Variants in NCALD observed in about 807,000 individuals in gnomAD.
NCALD encodes neurocalcin delta, also known as neurocalcin-delta.
A neutral mutation model predicts 18.6 loss-of-function variants in NCALD; 10 were observed. The observed-to-expected ratio is 0.54, with a 90% CI of 0.33 to 0.91. The LOEUF (loss-of-function observed/expected upper bound fraction) is 0.91. NCALD is among the 40% of genes least tolerant of loss of function. The pLI is 0.03. For missense variants in NCALD, 184 were observed against 247.6 expected (o/e 0.74, Z 1.72); for synonymous variants, 88 against 87.4 (o/e 1.01, Z -0.04).
intron 1 of NCALD, among the ~76,000 whole-genome samples, chr8:101,760,705 T>C (rs1811076679): frequency 6.6e-6 from 1 of 152,240 alleles, no homozygotes; most frequent in Non-Finnish European, 1.5e-5. Context: ...GCCTATGTTA[T>C]TGAATCTATC....
chr8:102,061,452 G>A (rs527415519), intron 1 of NCALD, among the ~76,000 whole-genome samples: 6 of 151,796 alleles, frequency 4.0e-5, no homozygotes, highest in Admixed American at 1.3e-4. Context: ...TTTTCAAACC[G>A]CCTGCTGTTT....
At chr8:101,801,108 G>T (rs1023656602) in intron 4 of NCALD, among the ~76,000 whole-genome samples, 1 of 151,304 alleles carries the variant, frequency 6.6e-6, no homozygotes, top group Non-Finnish European at 1.5e-5. Flanking sequence ...AAAAGAAAGA[G>T]AAAGAAACAA....
intron 2 of NCALD, among the ~76,000 whole-genome samples, chr8:101,996,752 G>A (rs961251726): frequency 3.9e-5 from 6 of 152,208 alleles, no homozygotes; most frequent in Non-Finnish European, 8.8e-5. Flanking sequence ...GTCCTCCAGG[G>A]ACTATGGCAG....
intron 4 of NCALD, among the ~76,000 whole-genome samples, chr8:101,808,203 T>C (rs1055442926): frequency 6.6e-6 from 1 of 152,162 alleles, no homozygotes; most frequent in Non-Finnish European, 1.5e-5. Flanking sequence ...AGAAATCCCC[T>C]CTAGACTGTC....
Position 101,959,933 on chromosome 8 carries a change from T to A in NCALD, c.-156-44075A>T, listed in dbSNP as rs564275371. 2.1e-5 allele frequency among the ~76,000 whole-genome samples: 3 copies of A among 140,476 alleles called. No individual in the cohort carries two copies. In the South Asian group the frequency reaches 7.5e-4, roughly 35 times the overall value. The allele number at this position is 140,476 out of a possible 152,430, so 92.2% of individuals were successfully genotyped here. On this transcript the variant is annotated intron_variant, in intron 2 of 6. Transcript: ENST00000311028. ...TTAGGATTGTACAGACACCTCTTCA[T>A]CCCACTTGGGCTCCAACGTCCTTCC...
At chr8:101,742,847 A>G (rs1810269168) in intron 1 of NCALD, among the ~76,000 whole-genome samples, 1 of 151,956 alleles carries the variant, frequency 6.6e-6, no homozygotes, top group African/African-American at 2.4e-5. Context: ...ACAGGCCCCA[A>G]TATGTGTTGT....
chr8:101,823,683 TA>T (rs199967350), intron 4 of NCALD, among the ~76,000 whole-genome samples: 2,359 of 152,302 alleles, frequency 0.015, 90 homozygotes, highest in East Asian at 0.12. Context: ...ATTAGAAAAC[TA>T]TCAAGACTAT....
At chr8:101,700,640 TA>T (rs1815219061) in intron 2 of NCALD, among the ~76,000 whole-genome samples, 1 of 152,098 alleles carries the variant, frequency 6.6e-6, no homozygotes, top group African/African-American at 2.4e-5. Flanking sequence ...AACTGTGTAA[TA>T]ATCTAGGGGT....
At chr8:101,747,335 C>G (rs990592779) in intron 1 of NCALD, among the ~76,000 whole-genome samples, 2 of 152,146 alleles carry the variant, frequency 1.3e-5, no homozygotes, top group East Asian at 1.9e-4. Flanking sequence ...GGGAAAGAGT[C>G]TCCTTGCTAA....
At chr8:101,716,993 ACCC>A (rs753487899) in intron 2 of NCALD, among the ~76,000 whole-genome samples, 32 of 152,094 alleles carry the variant, frequency 2.1e-4, no homozygotes, top group Admixed American at 3.9e-4. Context: ...GAAGGAACAC[ACCC>A]CTGAGGAAAC....
chr8:101,690,118 C>T (rs1388370059), intron 3 of NCALD, among the ~76,000 whole-genome samples: 1 of 149,432 alleles, frequency 6.7e-6, no homozygotes, highest in Non-Finnish European at 1.5e-5. Flanking sequence ...CCCACTCCGA[C>T]CCCGGTGACC....
chr8:102,007,174 T>C (rs990893419), intron 2 of NCALD, among the ~76,000 whole-genome samples: 2 of 152,234 alleles, frequency 1.3e-5, no homozygotes, highest in African/African-American at 4.8e-5. Context: ...GAAAAATTGG[T>C]GAAATCTGAA....
At chr8:102,099,765 G>A (rs570263891) in intron 1 of NCALD, among the ~76,000 whole-genome samples, 21 of 152,066 alleles carry the variant, frequency 1.4e-4, no homozygotes, top group Admixed American at 6.5e-4. Flanking sequence ...CCAACATGGT[G>A]AAACCCCATC....
intron 1 of NCALD, among the ~76,000 whole-genome samples, chr8:101,728,855 C>T (rs112356206): frequency 0.012 from 1,856 of 150,450 alleles, 44 homozygotes; most frequent in African/African-American, 0.043. Flanking sequence ...ACAAAAAGCA[C>T]GCAAAAAAAG....
intron 1 of NCALD, among the ~76,000 whole-genome samples, chr8:102,025,321 A>G (rs1295717909): frequency 6.6e-6 from 1 of 152,208 alleles, no homozygotes; most frequent in African/African-American, 2.4e-5. Flanking sequence ...CATGCTCTGC[A>G]GTTCACTATT....
chr8:101,797,403 C>A (rs191154806), intron 4 of NCALD, among the ~76,000 whole-genome samples: 2,278 of 152,128 alleles, frequency 0.015, 98 homozygotes, highest in East Asian at 0.12. Context: ...TTTAAAGGAG[C>A]AACAAAAGAC....
At position 101,730,606 on chromosome 8, in the gene NCALD, A is replaced by G. The variant is rs146226833; in HGVS notation, c.-19-10958T>C. 4.8e-3 allele frequency among the ~76,000 whole-genome samples: 738 copies of G among 152,296 alleles called. 5 individuals carry two copies. The highest frequency in any genetic ancestry group is 0.017 in the African/African-American group (698 of 41,560). On this transcript the variant is annotated intron_variant, in intron 1 of 3. Transcript: ENST00000220931. ...TATCGATGGATTCAACAAATAATCA[A>G]TTGAGCACTGCCCTTGTGCTAAGCA...
intron 2 of NCALD, among the ~76,000 whole-genome samples, chr8:101,966,651 A>G (rs1007073973): frequency 1.4e-4 from 22 of 152,164 alleles, no homozygotes; most frequent in South Asian, 4.1e-4. Context: ...AATTAAAAAA[A>G]AAGAATGTGG....
intron 4 of NCALD, among the ~76,000 whole-genome samples, chr8:101,864,759 T>C (rs1815697563): frequency 6.6e-6 from 1 of 152,034 alleles, no homozygotes; most frequent in African/African-American, 2.4e-5. Flanking sequence ...TACGCCCAGC[T>C]AGTTTTTGGT....
Sources: allele counts gnomAD v4.1 joint callset (sites outside exome capture counted in the v4.1 genomes callset), GRCh38; gene constraint gnomAD v4.1.1; transcripts MANE v1.5; gene names NCBI Gene and HGNC (gene_info 2026-07-23, HGNC 2026-07-21).